The following SRGAP3 variants were observed in gnomAD, a reference collection of about 807,000 sequenced individuals.
SRGAP3 encodes the protein SLIT-ROBO Rho GTPase activating protein 3, also known as SLIT-ROBO Rho GTPase-activating protein 3.
SRGAP3 carries 39 observed loss-of-function variants against 121.1 expected under a neutral mutation model. The observed-to-expected ratio is 0.32, with a 90% CI of 0.25 to 0.42. SRGAP3 has a LOEUF of 0.42. Ranked by LOEUF, SRGAP3 falls within the 10% of genes least tolerant of loss-of-function variation. The pLI, the probability that SRGAP3 is intolerant of heterozygous loss-of-function variation, is 1.00. For synonymous variants in SRGAP3, 601 were observed against 570.0 expected, an observed-to-expected ratio of 1.05 and a Z score of -0.77; for missense variants, 1,213 against 1,470.6, an observed-to-expected ratio of 0.82 and a Z score of 2.86.
intron 1 of SRGAP3, among the ~76,000 whole-genome samples, chr3:9,168,203 T>C (rs962249161): frequency 3.3e-5 from 5 of 152,224 alleles, no homozygotes; most frequent in Non-Finnish European, 7.3e-5. Flanking sequence ...CTTAGCCCAA[T>C]AGCCCATCAA....
At chr3:9,212,223 C>T (rs1952470623) in intron 1 of SRGAP3, among the ~76,000 whole-genome samples, 1 of 152,172 alleles carries the variant, frequency 6.6e-6, no homozygotes, top group Non-Finnish European at 1.5e-5. Flanking sequence ...AGGAGTTAAG[C>T]TATTAACAGT....
intron 1 of SRGAP3, among the ~76,000 whole-genome samples, chr3:9,200,149 C>A (rs191204474): frequency 1.5e-4 from 23 of 152,274 alleles, no homozygotes; most frequent in African/African-American, 5.1e-4. Context: ...TAAACTGTGT[C>A]CCATGAGGAC....
intron 2 of SRGAP3, among the ~76,000 whole-genome samples, chr3:9,120,710 A>T (rs1948973558): frequency 6.6e-6 from 1 of 152,234 alleles, no homozygotes; most frequent in Non-Finnish European, 1.5e-5. Flanking sequence ...CAGGTTTATA[A>T]GAGAGCAAGG....
At chr3:9,107,908 A>G (rs927199315) in intron 2 of SRGAP3, among the ~76,000 whole-genome samples, 1 of 152,214 alleles carries the variant, frequency 6.6e-6, no homozygotes, top group Non-Finnish European at 1.5e-5. Context: ...AGACCCATGA[A>G]AAAAGACTGC....
chr3:9,270,936 T>G (rs140667075), intron 3 of SRGAP3, among the ~76,000 whole-genome samples: 59 of 152,298 alleles, frequency 3.9e-4, no homozygotes, highest in African/African-American at 1.3e-3. Flanking sequence ...AGCATGTATG[T>G]GTATGCTGTG....
rs1941614289 is a variant in SRGAP3, at chr3:8,985,252, T to C, written c.*267A>G. The stretch of plus-strand genomic sequence containing the variant: ...GGGAGAAGCCATGTGGTATTTTGCC[T>C]CCATGTTAGGGAATGCTGTGGTTGG... On this transcript the variant is annotated 3_prime_UTR_variant, in exon 22 of 22. Transcript: ENST00000383836. The surrounding 1 kb of genome is among the most constrained non-coding windows in gnomAD (Gnocchi z 5.1). The C allele has an allele frequency of 3.2e-6, 2 of 619,952 alleles. No homozygotes were observed. The highest frequency in any genetic ancestry group is 4.4e-5 in the South Asian group (2 of 45,184). 38.4% of individuals were successfully genotyped at this position (619,952 alleles called of 1,614,324 possible). A position where few individuals can be genotyped will look rare whatever the true frequency, so the allele number is the denominator to read the frequency against.
chr3:9,161,460 C>T (rs1950596365), intron 1 of SRGAP3, among the ~76,000 whole-genome samples: 1 of 152,202 alleles, frequency 6.6e-6, no homozygotes, highest in African/African-American at 2.4e-5. Context: ...CTTCACATTG[C>T]CTCTAAGCTC....
At chr3:9,306,132 G>T (rs59224983) in intron 3 of SRGAP3, among the ~76,000 whole-genome samples, 2,991 of 152,278 alleles carry the variant, frequency 0.02, 77 homozygotes, top group African/African-American at 0.068. Flanking sequence ...GCATCTCATT[G>T]TGGTTTTGAT....
At chr3:9,356,661 C>T (rs2030533012) in intron 1 of SRGAP3, among the ~76,000 whole-genome samples, 2 of 152,018 alleles carry the variant, frequency 1.3e-5, no homozygotes, top group African/African-American at 4.8e-5. Flanking sequence ...GCGTGAGCCA[C>T]CACGCTCAGC....
At chr3:9,266,309 C>T (rs1954366616) in intron 3 of SRGAP3, among the ~76,000 whole-genome samples, 1 of 151,866 alleles carries the variant, frequency 6.6e-6, no homozygotes, top group South Asian at 2.1e-4. Flanking sequence ...CACCATGGCA[C>T]ATGTGTACCT....
chr3:8,986,721 A>G (rs1410117022), intron 21 of SRGAP3, among the ~76,000 whole-genome samples: 1 of 148,362 alleles, frequency 6.7e-6, no homozygotes, highest in Admixed American at 6.6e-5. Flanking sequence ...TCTCTGTATT[A>G]TAATCAGAAA....
intron 14 of SRGAP3, among the ~76,000 whole-genome samples, chr3:9,022,732 G>A (rs988904605): frequency 2.0e-5 from 3 of 152,222 alleles, no homozygotes; most frequent in African/African-American, 7.2e-5. Flanking sequence ...AAGAAAGCAT[G>A]CTCCATTGTC....
intron 3 of SRGAP3, among the ~76,000 whole-genome samples, chr3:9,289,940 G>A (rs1954844008): frequency 6.6e-6 from 1 of 152,072 alleles, no homozygotes. Context: ...AAGAAACCCT[G>A]TCTCTACTAA....
intron 3 of SRGAP3, among the ~76,000 whole-genome samples, chr3:9,281,530 G>A (rs528462268): frequency 2.0e-5 from 3 of 150,230 alleles, no homozygotes; most frequent in Admixed American, 6.6e-5. Flanking sequence ...TTTGGACCTA[G>A]ATGTACTTAC....
chr3:9,136,322 C>A (rs1364714726), intron 1 of SRGAP3, among the ~76,000 whole-genome samples: 1 of 151,778 alleles, frequency 6.6e-6, no homozygotes, highest in East Asian at 2.0e-4. Flanking sequence ...CGCCCAGCGC[C>A]GGGGCTGGAG....
chr3:9,049,260 C>T (rs111520352), intron 9 of SRGAP3: 32 of 389,296 alleles, frequency 8.2e-5, no homozygotes, highest in Non-Finnish European at 1.5e-4. Flanking sequence ...CACTGGCCCA[C>T]CTTGATGGGT....
intron 3 of SRGAP3, among the ~76,000 whole-genome samples, chr3:9,311,710 A>G (rs1955250975): frequency 6.6e-6 from 1 of 152,210 alleles, no homozygotes; most frequent in Non-Finnish European, 1.5e-5. Context: ...GGCTGTATGA[A>G]AACAGGCCAC....
chr3:9,268,389 G>A (rs951582609), intron 3 of SRGAP3, among the ~76,000 whole-genome samples: 22 of 151,678 alleles, frequency 1.5e-4, no homozygotes, highest in African/African-American at 5.3e-4. Flanking sequence ...GGAGGCAATT[G>A]TCTATAAACC....
At chr3:9,140,336 A>G (rs940597881) in intron 1 of SRGAP3, among the ~76,000 whole-genome samples, 3 of 152,212 alleles carry the variant, frequency 2.0e-5, no homozygotes, top group African/African-American at 7.2e-5. Context: ...AATGCCCATA[A>G]TATATTGTTA....
Sources: allele counts gnomAD v4.1 joint callset (sites outside exome capture counted in the v4.1 genomes callset), GRCh38; gene constraint gnomAD v4.1.1; non-coding constraint Gnocchi (gnomAD v3.1); transcripts MANE v1.5; gene names NCBI Gene and HGNC (gene_info 2026-07-23, HGNC 2026-07-21).